SEPTIN9: variants seen among roughly 807,000 people sequenced by gnomAD.
SEPTIN9 encodes septin-9.
A neutral mutation model predicts 56.6 loss-of-function variants in SEPTIN9; 13 were observed. The ratio of observed to expected loss-of-function variants is 0.23; its 90% CI spans 0.15 to 0.37. SEPTIN9 has a LOEUF of 0.37. Ranked by LOEUF, SEPTIN9 falls within the 10% of genes least tolerant of loss-of-function variation. SEPTIN9 has a pLI of 1.00. For synonymous variants in SEPTIN9, 332 were observed against 334.1 expected, an observed-to-expected ratio of 0.99 and a Z score of 0.07; for missense variants, 650 against 823.1, an observed-to-expected ratio of 0.79 and a Z score of 2.57.
Position 77,371,356 on chromosome 17 carries a change from T to C in SEPTIN9, c.77-30703T>C, listed in dbSNP as rs1268134521. 6.6e-6 allele frequency among the ~76,000 whole-genome samples: 1 copy of C among 152,260 alleles called. No individual in the cohort carries two copies. The highest frequency in any genetic ancestry group is 1.5e-5 in the Non-Finnish European group (1 of 68,046). On this transcript the variant is annotated intron_variant, in intron 2 of 11. Transcript: ENST00000427177. The surrounding 1 kb of genome is among the most constrained non-coding windows in gnomAD (Gnocchi z 4.1). ...AGGGAACTAAATATGTTTGCTGCAC[T>C]GTGCGTGGAGATGGAGAATGTACAA...
At chr17:77,390,105 C>T (rs1392001086) in intron 2 of SEPTIN9, among the ~76,000 whole-genome samples, 1 of 151,952 alleles carries the variant, frequency 6.6e-6, no homozygotes, top group Non-Finnish European at 1.5e-5. Context: ...AGAAGAGGAC[C>T]CAAGGCCCTG....
chr17:77,497,500 C>T (rs183046462), intron 11 of SEPTIN9, 134 bp downstream of exon 11: 36 of 774,848 alleles, frequency 4.6e-5, no homozygotes, highest in Middle Eastern at 6.4e-4. Flanking sequence ...GCCCTGCCCT[C>T]GGGAAGATCT....
Position 77,367,441 on chromosome 17 carries a change from C to T in SEPTIN9, c.77-34618C>T, listed in dbSNP as rs2034605199. Among the ~76,000 whole-genome samples the T allele has an allele frequency of 6.6e-6, 1 of 152,154 alleles. No homozygotes were observed. Among genetic ancestry groups the T allele is most frequent in the Non-Finnish European group, 1.5e-5 (1 of 68,032 alleles). Reference sequence around the variant, plus strand: ...ACTGCGCTTTGTCATTGCACAGGATCGAACAGGTGTGTGTGGAGTCCCTAA... The same window carrying T: ...ACTGCGCTTTGTCATTGCACAGGATTGAACAGGTGTGTGTGGAGTCCCTAA... On this transcript the variant is annotated intron_variant, in intron 2 of 11. Transcript: ENST00000427177. The surrounding 1 kb of genome is among the most constrained non-coding windows in gnomAD (Gnocchi z 4.5).
intron 4 of SEPTIN9, chr17:77,482,677 T>C (rs552245341): frequency 5.0e-6 from 3 of 602,974 alleles, no homozygotes; most frequent in Non-Finnish European, 5.9e-6. Context: ...GTCCCCTCAC[T>C]GTTGCTCCAG....
intron 2 of SEPTIN9, among the ~76,000 whole-genome samples, chr17:77,349,081 C>A (rs2143794657): frequency 6.6e-6 from 1 of 152,096 alleles, no homozygotes; most frequent in South Asian, 2.1e-4. Flanking sequence ...ATTTTGCTGT[C>A]ATTCTTTCTT....
In SEPTIN9 at chr17:77,445,356, T is replaced by G; in HGVS notation, c.722-36788T>G. ...GAGGGATATTGCTCTTGGCATTTGA[T>G]GGGAAGCATCTGCTGCATCCCATTG... On this transcript the variant is annotated intron_variant, in intron 3 of 11. Coordinates refer to ENST00000427177, the MANE Select transcript of SEPTIN9 (RefSeq NM_001113491.2). The surrounding 1 kb of genome is among the most constrained non-coding windows in gnomAD (Gnocchi z 4.7). 1 of 464,932 alleles carries G rather than the reference T, an allele frequency of 2.2e-6. No individual in the cohort carries two copies. Among genetic ancestry groups the G allele is most frequent in the Non-Finnish European group, 4.4e-6 (1 of 227,034 alleles). 28.8% of individuals were successfully genotyped at this position (464,932 alleles called of 1,614,324 possible). A position where few individuals can be genotyped will look rare whatever the true frequency, so the allele number is the denominator to read the frequency against.
At position 77,476,429 on chromosome 17, in the gene SEPTIN9, C is replaced by G. The variant is rs767872575; in HGVS notation, c.722-5715C>G. 3.9e-4 allele frequency among the ~76,000 whole-genome samples: 59 copies of G among 152,364 alleles called. No homozygotes were observed. The highest frequency in any genetic ancestry group is 6.8e-4 in the Non-Finnish European group (46 of 68,030). On this transcript the variant is annotated intron_variant, in intron 3 of 11. Transcript: ENST00000427177. The surrounding 1 kb of genome is among the most constrained non-coding windows in gnomAD (Gnocchi z 6.0). ...TCTGATTCCCTCATCCTCGGCAGGT[C>G]CTGGGGTTGGGGTAAGAATTTGTCA...
intron 8 of SEPTIN9, 25 bp downstream of exon 8, chr17:77,490,884 C>A: frequency 6.5e-7 from 1 of 1,531,870 alleles, no homozygotes. Flanking sequence ...CTACTTGCCC[C>A]AGCCCTTCTG....
intron 1 of SEPTIN9, among the ~76,000 whole-genome samples, chr17:77,299,735 C>T (rs963027283): frequency 6.6e-6 from 1 of 152,230 alleles, no homozygotes; most frequent in Non-Finnish European, 1.5e-5. Flanking sequence ...CTGTGATGAG[C>T]AGGGCCATCT....
intron 2 of SEPTIN9, among the ~76,000 whole-genome samples, chr17:77,361,254 T>G (rs1024648091): frequency 6.6e-6 from 1 of 152,188 alleles, no homozygotes; most frequent in Non-Finnish European, 1.5e-5. Context: ...AAAATCTTCC[T>G]GAAAGATTTG....
rs376956786 is a variant in SEPTIN9 at position 77,485,097 on chromosome 17, GATT to G, written c.914-2326_914-2324del. Among the ~76,000 whole-genome samples the G allele has an allele frequency of 1.9e-3, 10 of 5,262 alleles. No homozygotes were observed. The East Asian group carries it at 0.031, about 16-fold the overall frequency. 3.5% of individuals were successfully genotyped at this position (5,262 alleles called of 152,430 possible). On this transcript the variant is annotated intron_variant, in intron 4 of 11. Transcript: ENST00000427177. Reference sequence around the variant, plus strand: ...ATGGTGGTAAAGGGGTGATGGTGGTGATTGTGGTGATGTGGGTGGTGGTGGTGA... The same window carrying G: ...ATGGTGGTAAAGGGGTGATGGTGGTGGTGGTGATGTGGGTGGTGGTGGTGA...
chr17:77,392,242 A>G (rs1005504569), intron 2 of SEPTIN9, among the ~76,000 whole-genome samples: 1 of 152,100 alleles, frequency 6.6e-6, no homozygotes, highest in Non-Finnish European at 1.5e-5. Context: ...AGTGCCTGGG[A>G]CTTCTTGGGC....
Position 77,402,189 on chromosome 17 carries a change from G to A in SEPTIN9, c.207G>A (p.Lys69=). Residue 69 remains lysine, a synonymous_variant, in exon 3 of 12, where the codon AAG becomes AAA. Transcript: ENST00000427177. The surrounding 1 kb of genome is among the most constrained non-coding windows in gnomAD (Gnocchi z 6.6). ...AGAAATTCCAGGACCTGGGCGTGAA[G>A]AACTCAGAACCCTCGGCCCGCCATG... ...STQKFQDLGV[K]NSEPSARHVD... is the part of the protein sequence containing the mutation. 6.2e-7 allele frequency: 1 copy of A among 1,613,786 alleles called. No individual in the cohort carries two copies. Among genetic ancestry groups the A allele is most frequent in the Middle Eastern group, 1.6e-4 (1 of 6,062 alleles).
intron 1 of SEPTIN9, among the ~76,000 whole-genome samples, chr17:77,303,056 T>C (rs2032126169): frequency 6.6e-6 from 1 of 152,050 alleles, no homozygotes; most frequent in Non-Finnish European, 1.5e-5. Context: ...GACTCCTGCC[T>C]TCTGCTGTCT....
intron 2 of SEPTIN9, among the ~76,000 whole-genome samples, chr17:77,383,286 CTTG>C (rs1420746295): frequency 6.6e-6 from 1 of 151,974 alleles, no homozygotes; most frequent in East Asian, 1.9e-4. Flanking sequence ...TGAGCTTCTC[CTTG>C]TTATTTTTCA....
intron 2 of SEPTIN9, among the ~76,000 whole-genome samples, chr17:77,315,291 CT>C (rs71280839): frequency 1.3e-3 from 190 of 144,118 alleles, no homozygotes; most frequent in Admixed American, 1.9e-3. Context: ...CACCTAACTT[CT>C]TTTTTTTTTT....
chr17:77,288,099 G>T (rs1018145190), intron 1 of SEPTIN9: 10 of 1,063,626 alleles, frequency 9.4e-6, no homozygotes, highest in African/African-American at 8.2e-5. Context: ...CCTTTGGAGC[G>T]CTGGACTCTC....
At chr17:77,345,399 G>A (rs745438275) in intron 2 of SEPTIN9, among the ~76,000 whole-genome samples, 5 of 152,198 alleles carry the variant, frequency 3.3e-5, no homozygotes, top group Non-Finnish European at 5.9e-5. Flanking sequence ...CCAAGAACTC[G>A]GAGCGTCCTC....
intron 3 of SEPTIN9, among the ~76,000 whole-genome samples, chr17:77,416,171 G>T (rs2036499638): frequency 7.8e-6 from 1 of 128,640 alleles, no homozygotes; most frequent in East Asian, 1.9e-4. Flanking sequence ...GGATTTTTTG[G>T]CACTGCCTTA....
Sources: allele counts gnomAD v4.1 joint callset (sites outside exome capture counted in the v4.1 genomes callset), GRCh38; gene constraint gnomAD v4.1.1; non-coding constraint Gnocchi (gnomAD v3.1); transcripts MANE v1.5; gene names NCBI Gene and HGNC (gene_info 2026-07-23, HGNC 2026-07-21).